Variants in FBXW7 observed in about 807,000 individuals in gnomAD.
The protein encoded by FBXW7 is F-box/WD repeat-containing protein 7.
In FBXW7, 11 loss-of-function variants were observed where a neutral mutation model predicts 86.3. The observed-to-expected ratio is 0.13, with a 90% CI of 0.08 to 0.21. The LOEUF (loss-of-function observed/expected upper bound fraction) is 0.21, where lower values mean the gene tolerates loss of function less well. Among genes scored for constraint, FBXW7 ranks in the 10% least tolerant of loss-of-function variants. FBXW7 has a pLI of 1.00. For synonymous variants in FBXW7, 313 were observed against 297.9 expected, an observed-to-expected ratio of 1.05 and a Z score of -0.52; for missense variants, 488 against 847.4, an observed-to-expected ratio of 0.58 and a Z score of 5.27.
At chr4:152,396,181 C>T (rs1367387971) in intron 4 of FBXW7, among the ~76,000 whole-genome samples, 1 of 151,824 alleles carries the variant, frequency 6.6e-6, no homozygotes, top group Non-Finnish European at 1.5e-5. Flanking sequence ...AGAAACATCT[C>T]TAGTATTCAT....
intron 11 of FBXW7, among the ~76,000 whole-genome samples, chr4:152,327,562 G>C (rs773368612): frequency 7.2e-5 from 11 of 152,000 alleles, no homozygotes; most frequent in Non-Finnish European, 1.5e-4. Flanking sequence ...AAGTCAAAAA[G>C]TCCAGTTTGG....
intron 4 of FBXW7, among the ~76,000 whole-genome samples, chr4:152,376,902 T>A (rs1448255630): frequency 6.6e-6 from 1 of 151,846 alleles, no homozygotes; most frequent in East Asian, 1.9e-4. Flanking sequence ...TGACTAAAAT[T>A]GTTACATAAT....
chr4:152,500,447 T>C (rs1746817356), intron 2 of FBXW7, among the ~76,000 whole-genome samples: 1 of 133,554 alleles, frequency 7.5e-6, no homozygotes, highest in Admixed American at 8.3e-5. Flanking sequence ...CACATCATCA[T>C]CATCACCCAT....
rs542539372 is a variant in FBXW7 at position 152,518,148 on chromosome 4, C to T, written c.-120+16793G>A. On this transcript the variant is annotated intron_variant, in intron 2 of 13. Transcript: ENST00000281708. ...GGATTACAGGCACGCACCACCACAC[C>T]CAGCTAATTTTTCTATTTTTAGTAG... Among the ~76,000 whole-genome samples, 21 of 152,148 alleles carry T rather than the reference C, an allele frequency of 1.4e-4. 1 individual carries two copies. The highest frequency in any genetic ancestry group is 4.3e-4 in the African/African-American group (18 of 41,512).
At chr4:152,433,973 G>A (rs1191790727) in intron 2 of FBXW7, among the ~76,000 whole-genome samples, 1 of 152,142 alleles carries the variant, frequency 6.6e-6, no homozygotes, top group Non-Finnish European at 1.5e-5. Context: ...AACAGCACAG[G>A]TGCACTTATA....
intron 4 of FBXW7, among the ~76,000 whole-genome samples, chr4:152,409,635 T>C (rs935482124): frequency 8.5e-5 from 13 of 152,174 alleles, no homozygotes; most frequent in African/African-American, 1.2e-4. Context: ...AGCTTTGTAT[T>C]CTTCATGCCA....
intron 2 of FBXW7, among the ~76,000 whole-genome samples, chr4:152,520,123 T>C (rs968445394): frequency 1.3e-5 from 2 of 152,172 alleles, no homozygotes; most frequent in Non-Finnish European, 2.9e-5. Context: ...TCTTTAAAAA[T>C]AACTGGGGGT....
At chr4:152,380,364 C>T (rs1226311533) in intron 4 of FBXW7, among the ~76,000 whole-genome samples, 2 of 151,634 alleles carry the variant, frequency 1.3e-5, no homozygotes, top group Admixed American at 6.6e-5. Flanking sequence ...TTTCACAATC[C>T]CTCTAATATT....
At chr4:152,349,966 A>G in intron 5 of FBXW7, 76 bp downstream of exon 5, 1 of 797,404 alleles carries the variant, frequency 1.3e-6, no homozygotes, top group East Asian at 2.8e-5. Context: ...TTATTCTACA[A>G]GAATAAACTA....
chr4:152,499,423 AG>A (rs1746694527), intron 2 of FBXW7, among the ~76,000 whole-genome samples: 1 of 152,182 alleles, frequency 6.6e-6, no homozygotes, highest in African/African-American at 2.4e-5. Flanking sequence ...CAACATTGAG[AG>A]GCTATTTGAA....
rs138865875 is a variant in FBXW7, at chr4:152,435,463, G to T, written c.-119-22934C>A. 1.8e-4 allele frequency among the ~76,000 whole-genome samples: 28 copies of T among 152,270 alleles called. 1 individual carries two copies. Among genetic ancestry groups the T allele is most frequent in the Admixed American group, 1.8e-3 (27 of 15,288 alleles). ...GTATTATCAGGTAGGCATATTTCCA[G>T]TTCATCCCATTATTGATCTTCACTT... is the stretch of plus-strand genomic sequence containing the variant. On this transcript the variant is annotated intron_variant, in intron 2 of 13. Transcript: ENST00000281708.
chr4:152,442,777 C>G (rs1244559412), intron 2 of FBXW7, among the ~76,000 whole-genome samples: 1 of 152,176 alleles, frequency 6.6e-6, no homozygotes, highest in African/African-American at 2.4e-5. Flanking sequence ...AAGTTTCAGA[C>G]AGACCAACAA....
chr4:152,535,654 C>A lies in FBXW7; in HGVS notation c.-740G>T. ...CTCCCGGCTCCCGCATGTGTCGCTG[C>A]GGCTGGGACCCCCCTCCCTACACCT... On this transcript the variant is annotated 5_prime_UTR_variant, in exon 1 of 14. Coordinates refer to ENST00000281708, the MANE Select transcript of FBXW7 (RefSeq NM_001349798.2). 1 of 396,476 alleles carries A rather than the reference C, an allele frequency of 2.5e-6. No individual in the cohort carries two copies. 24.6% of individuals were successfully genotyped at this position (396,476 alleles called of 1,614,324 possible).
At chr4:152,327,446 CACACTTGTTTA>C (rs559188044) in intron 11 of FBXW7, among the ~76,000 whole-genome samples, 201 of 152,066 alleles carry the variant, frequency 1.3e-3, no homozygotes, top group African/African-American at 4.6e-3. Flanking sequence ...AGGTAGAAAT[CACACTTGTTTA>C]ACAGGGGTAT....
chr4:152,360,912 A>G (rs1407139114), intron 4 of FBXW7, among the ~76,000 whole-genome samples: 2 of 150,824 alleles, frequency 1.3e-5, no homozygotes, highest in East Asian at 3.9e-4. Context: ...CCAGATTCAT[A>G]CTTACTGCAC....
chr4:152,440,718 C>G (rs1740813326), intron 2 of FBXW7, among the ~76,000 whole-genome samples: 1 of 152,036 alleles, frequency 6.6e-6, no homozygotes, highest in Admixed American at 6.5e-5. Context: ...GAAAATGGTA[C>G]CTTGCACAGA....
intron 2 of FBXW7, among the ~76,000 whole-genome samples, chr4:152,478,973 T>G (rs147801419): frequency 6.6e-6 from 1 of 152,280 alleles, no homozygotes; most frequent in Non-Finnish European, 1.5e-5. Context: ...TTAATGAAAT[T>G]AACTGAGTCA....
intron 4 of FBXW7, among the ~76,000 whole-genome samples, chr4:152,409,977 A>G (rs1431450604): frequency 6.6e-6 from 1 of 152,204 alleles, no homozygotes; most frequent in Non-Finnish European, 1.5e-5. Flanking sequence ...AGGTAAAGAA[A>G]AGATAAAGCA....
At chr4:152,513,541 G>C (rs888486273) in intron 2 of FBXW7, among the ~76,000 whole-genome samples, 2 of 152,080 alleles carry the variant, frequency 1.3e-5, no homozygotes, top group South Asian at 2.1e-4. Flanking sequence ...AAGGAATTAT[G>C]ACAAAAAAGA....
Sources: allele counts gnomAD v4.1 joint callset (sites outside exome capture counted in the v4.1 genomes callset), GRCh38; gene constraint gnomAD v4.1.1; transcripts MANE v1.5; gene names NCBI Gene and HGNC (gene_info 2026-07-23, HGNC 2026-07-21).